The following ADAM20 variants were observed in gnomAD, a reference collection of about 807,000 sequenced individuals.
ADAM20 encodes ADAM metallopeptidase domain 20.
For synonymous variants in ADAM20, 305 were observed against 310.2 expected (o/e 0.98, Z 0.18); for missense variants, 871 against 883.2 (o/e 0.99, Z 0.18).
At chr14:70,529,527 CTA>C (rs869104090) in intron 1 of ADAM20, among the ~76,000 whole-genome samples, 1 of 152,186 alleles carries the variant, frequency 6.6e-6, no homozygotes, top group African/African-American at 2.4e-5. Flanking sequence ...TACACCTGGG[CTA>C]TATTGGATAG....
chr14:70,541,551 C>T, the ADAM20 span, among the ~76,000 whole-genome samples: 1,270 of 152,040 alleles, frequency 8.4e-3, 21 homozygotes, highest in African/African-American at 0.028. Context: ...TCTTACCTTA[C>T]GGTCAAACAT....
chr14:70,576,514 T>C, the ADAM20 span, among the ~76,000 whole-genome samples: 1 of 152,200 alleles, frequency 6.6e-6, no homozygotes, highest in Non-Finnish European at 1.5e-5. Context: ...GTTTCATTGC[T>C]AGATTCTACC....
At chr14:70,525,445 C>A (rs1488781942) in intron 1 of ADAM20, among the ~76,000 whole-genome samples, 1 of 152,070 alleles carries the variant, frequency 6.6e-6, no homozygotes, top group African/African-American at 2.4e-5. Flanking sequence ...TGGTCTCAAA[C>A]TCCTGGTCTC....
chr14:70,575,629 A>G, the ADAM20 span, among the ~76,000 whole-genome samples: 1 of 152,198 alleles, frequency 6.6e-6, no homozygotes, highest in African/African-American at 2.4e-5. Context: ...ATTTTGTTTA[A>G]AATTATACCT....
At chr14:70,557,050 T>C in the ADAM20 span, 1 of 152,224 alleles carries the variant, frequency 6.6e-6, no homozygotes, top group Non-Finnish European at 1.5e-5. Flanking sequence ...TTTCAGTCCC[T>C]GTGGCATGGA....
chr14:70,531,674 C>T (rs1298126540), intron 1 of ADAM20, among the ~76,000 whole-genome samples: 1 of 151,938 alleles, frequency 6.6e-6, no homozygotes, highest in East Asian at 1.9e-4. Context: ...GATACAAAAT[C>T]AACTACAAAA....
At chr14:70,574,566 G>A in the ADAM20 span, among the ~76,000 whole-genome samples, 1 of 152,030 alleles carries the variant, frequency 6.6e-6, no homozygotes, top group South Asian at 2.1e-4. Context: ...TGTGAACCCG[G>A]GAGGCAGAGC....
At chr14:70,555,778 C>T in the ADAM20 span, among the ~76,000 whole-genome samples, 1 of 152,174 alleles carries the variant, frequency 6.6e-6, no homozygotes, top group Admixed American at 6.5e-5. Flanking sequence ...TCTGCTGTCT[C>T]TACTCGTCCC....
chr14:70,571,219 T>C, the ADAM20 span, among the ~76,000 whole-genome samples: 79 of 152,310 alleles, frequency 5.2e-4, no homozygotes, highest in African/African-American at 1.9e-3. Flanking sequence ...TGATATGCTT[T>C]GGCTGTGTCC....
chr14:70,529,979 G>A (rs1255847324), intron 1 of ADAM20, among the ~76,000 whole-genome samples: 1 of 152,042 alleles, frequency 6.6e-6, no homozygotes, highest in African/African-American at 2.4e-5. Context: ...TTGTACAGCT[G>A]TACAAAAATT....
At chr14:70,565,663 A>G in the ADAM20 span, among the ~76,000 whole-genome samples, 1 of 152,234 alleles carries the variant, frequency 6.6e-6, no homozygotes, top group Non-Finnish European at 1.5e-5. Flanking sequence ...AAGCAACTGT[A>G]TAGCAAAACA....
chr14:70,560,433 G>A, the ADAM20 span, among the ~76,000 whole-genome samples: 1 of 152,016 alleles, frequency 6.6e-6, no homozygotes, highest in African/African-American at 2.4e-5. Flanking sequence ...ATGTAATGGG[G>A]GTAGGGAGGG....
At chr14:70,575,587 T>C in the ADAM20 span, among the ~76,000 whole-genome samples, 1 of 152,338 alleles carries the variant, frequency 6.6e-6, no homozygotes, top group Non-Finnish European at 1.5e-5. Context: ...TATGCACATA[T>C]ACAAACTAAA....
At chr14:70,574,446 C>G in the ADAM20 span, among the ~76,000 whole-genome samples, 3 of 151,858 alleles carry the variant, frequency 2.0e-5, no homozygotes, top group Non-Finnish European at 4.4e-5. Flanking sequence ...TGAGACCATC[C>G]TGGCTAACAC....
upstream of ADAM20, among the ~76,000 whole-genome samples, chr14:70,535,576 T>C (rs866630115): frequency 1.1e-4 from 17 of 152,170 alleles, no homozygotes; most frequent in Admixed American, 3.3e-4. Flanking sequence ...GACCTTACAA[T>C]GAGCTCAGCT....
chr14:70,523,478 C>T lies in ADAM20; in HGVS notation c.1280G>A (p.Arg427Gln), dbSNP rs769342676. 1.9e-5 allele frequency: 31 copies of T among 1,613,876 alleles called. No individual in the cohort carries two copies. The highest frequency in any genetic ancestry group is 5.5e-5 in the South Asian group (5 of 91,080). ...EGEECDCGTIRQCAKDPCCLL... is the reference protein window; with the variant it reads ...EGEECDCGTIQQCAKDPCCLL... ...ACAACAGGGATCTTTTGCACACTGC[C>T]GTATGGTTCCACAGTCACATTCCTC... The change falls in exon 2 of 2, where the codon CGG becomes CAG. Residue 427 changes from arginine (R) to glutamine (Q), a missense_variant. By Grantham distance (43) the Arg-to-Gln change is conservative. Transcript: ENST00000256389.
chr14:70,575,222 T>G, the ADAM20 span, among the ~76,000 whole-genome samples: 1 of 151,610 alleles, frequency 6.6e-6, no homozygotes, highest in Non-Finnish European at 1.5e-5. Context: ...TGAGGCAGAG[T>G]CTTGCTCGGT....
rs1417302648 is a variant in ADAM20, at chr14:70,524,894, T to A, written c.-137A>T. 1.2e-6 allele frequency: 2 copies of A among 1,610,012 alleles called. No homozygotes were observed. The highest frequency in any genetic ancestry group is 2.2e-5 in the South Asian group (2 of 90,674). Reference sequence around the variant, plus strand: ...AGGGATCTGGGGATCTGTGTCCTGGTGGAGCTGGACCATCAGAGCTGCAGT... The same window carrying A: ...AGGGATCTGGGGATCTGTGTCCTGGAGGAGCTGGACCATCAGAGCTGCAGT... On this transcript the variant is annotated 5_prime_UTR_variant, in exon 2 of 2. Transcript: ENST00000256389.
At chr14:70,543,325 C>T in the ADAM20 span, among the ~76,000 whole-genome samples, 1 of 152,314 alleles carries the variant, frequency 6.6e-6, no homozygotes, top group East Asian at 1.9e-4. Context: ...TACTGTAGCA[C>T]CCTTAGGGTG....
Sources: allele counts gnomAD v4.1 joint callset (sites outside exome capture counted in the v4.1 genomes callset), GRCh38; gene constraint gnomAD v4.1.1; transcripts MANE v1.5; gene names NCBI Gene and HGNC (gene_info 2026-07-23, HGNC 2026-07-21).